Variants in OLA1 observed in about 807,000 individuals in gnomAD.
The protein encoded by OLA1 is obg-like ATPase 1.
Under a neutral mutation model 48.4 loss-of-function variants are expected in OLA1, and 14 were observed. The ratio of observed to expected loss-of-function variants is 0.29; its 90% CI spans 0.19 to 0.45. OLA1 has a LOEUF of 0.45. OLA1 is among the 20% of genes least tolerant of loss of function. OLA1 has a pLI of 1.00. For synonymous variants in OLA1, 127 were observed against 150.4 expected (o/e 0.84, Z 1.14); for missense variants, 325 against 467.1 (o/e 0.70, Z 2.80).
chr2:174,182,079 G>T (rs1687556988), intron 4 of OLA1, among the ~76,000 whole-genome samples: 1 of 152,138 alleles, frequency 6.6e-6, no homozygotes, highest in Admixed American at 6.5e-5. Context: ...AGGGAAGAAA[G>T]AGTTAAATAT....
intron 7 of OLA1, among the ~76,000 whole-genome samples, chr2:174,108,696 G>C (rs1459422310): frequency 6.6e-6 from 1 of 152,072 alleles, no homozygotes; most frequent in African/African-American, 2.4e-5. Flanking sequence ...AGCTTAATGT[G>C]TACCACATGC....
chr2:174,169,149 G>T (rs1304931281), intron 4 of OLA1, among the ~76,000 whole-genome samples: 2 of 152,038 alleles, frequency 1.3e-5, no homozygotes, highest in Admixed American at 6.6e-5. Flanking sequence ...GTTTCGCCAT[G>T]TTGGCCAGGC....
intron 7 of OLA1, among the ~76,000 whole-genome samples, chr2:174,098,733 A>G (rs566570108): frequency 6.6e-6 from 1 of 152,332 alleles, no homozygotes; most frequent in South Asian, 2.1e-4. Flanking sequence ...GATGAAGATT[A>G]AATAAGGACG....
chr2:174,197,336 A>G (rs1405237192), intron 4 of OLA1, among the ~76,000 whole-genome samples: 1 of 119,940 alleles, frequency 8.3e-6, no homozygotes, highest in Non-Finnish European at 1.7e-5. Context: ...GGCAGTGTCC[A>G]GAATGATTAG....
chr2:174,213,333 C>G (rs1168294256), intron 4 of OLA1, among the ~76,000 whole-genome samples: 1 of 152,148 alleles, frequency 6.6e-6, no homozygotes, highest in African/African-American at 2.4e-5. Flanking sequence ...CAAGTTTTAT[C>G]TGTGAATAGC....
chr2:174,247,963 G>A, intron 1 of OLA1: 1 of 696,248 alleles, frequency 1.4e-6, no homozygotes, highest in Non-Finnish European at 2.3e-6. Context: ...TCTTCTGGCT[G>A]AGAGTTGTAC....
intron 7 of OLA1, among the ~76,000 whole-genome samples, chr2:174,110,857 C>G (rs1404144559): frequency 1.3e-5 from 2 of 152,146 alleles, no homozygotes; most frequent in Non-Finnish European, 2.9e-5. Flanking sequence ...ACTAAGATTA[C>G]AGGAGTGAGC....
intron 7 of OLA1, among the ~76,000 whole-genome samples, chr2:174,100,817 G>C (rs1160998364): frequency 6.6e-6 from 1 of 152,084 alleles, no homozygotes; most frequent in Admixed American, 6.5e-5. Context: ...GTTCCCCTAT[G>C]CTCCCTTCCA....
At chr2:174,160,189 T>G (rs1203881885) in intron 4 of OLA1, among the ~76,000 whole-genome samples, 1 of 152,148 alleles carries the variant, frequency 6.6e-6, no homozygotes, top group Admixed American at 6.5e-5. Flanking sequence ...GAATTTTTTA[T>G]ACATATGCAC....
chr2:174,163,453 C>T (rs1488631671), intron 4 of OLA1, among the ~76,000 whole-genome samples: 1 of 151,636 alleles, frequency 6.6e-6, no homozygotes, highest in Non-Finnish European at 1.5e-5. Flanking sequence ...TTTGGGAGGC[C>T]AAGGCAGGCG....
chr2:174,206,924 G>A (rs1233157925), intron 4 of OLA1, among the ~76,000 whole-genome samples: 2 of 152,006 alleles, frequency 1.3e-5, no homozygotes, highest in African/African-American at 4.8e-5. Flanking sequence ...CAGGACCCAA[G>A]GAAAAAACTC....
chr2:174,178,046 C>T (rs1274058039), intron 4 of OLA1, among the ~76,000 whole-genome samples: 1 of 151,938 alleles, frequency 6.6e-6, no homozygotes, highest in African/African-American at 2.4e-5. Flanking sequence ...ATTTTTAAAA[C>T]ACTGAATTAA....
At chr2:174,115,672 G>A (rs894313991) in intron 7 of OLA1, among the ~76,000 whole-genome samples, 3 of 151,890 alleles carry the variant, frequency 2.0e-5, no homozygotes, top group Non-Finnish European at 2.9e-5. Context: ...CCTATAACTC[G>A]TATTCTGTTT....
intron 4 of OLA1, among the ~76,000 whole-genome samples, chr2:174,213,598 G>A (rs1401304723): frequency 6.6e-6 from 1 of 152,136 alleles, no homozygotes; most frequent in Non-Finnish European, 1.5e-5. Context: ...AACTGGCGAA[G>A]TCATATTGGC....
chr2:174,089,641 C>T (rs1013777599), intron 7 of OLA1, among the ~76,000 whole-genome samples: 1 of 152,100 alleles, frequency 6.6e-6, no homozygotes, highest in African/African-American at 2.4e-5. Context: ...GTGGCTCATG[C>T]CTGTAATCCC....
intron 2 of OLA1, among the ~76,000 whole-genome samples, chr2:174,233,270 T>C (rs1164174330): frequency 1.3e-5 from 2 of 152,178 alleles, no homozygotes; most frequent in African/African-American, 2.4e-5. Context: ...CAGTTTCAGT[T>C]ACGCAAGATG....
chr2:174,196,032 A>G (rs1444635168), intron 4 of OLA1, among the ~76,000 whole-genome samples: 2 of 152,274 alleles, frequency 1.3e-5, no homozygotes, highest in Non-Finnish European at 2.9e-5. Context: ...AAAAAACTCA[A>G]TTACTTAGAA....
At position 174,192,963 on chromosome 2, in the gene OLA1, C is replaced by T. The variant is rs66702896; in HGVS notation, c.373+30070G>A. ...AAGCAGCTTGAATACTACATGTCCACGTGTGTAAGCGTATGTGTGTGGTAT... is the reference window on the plus strand; with the variant it reads ...AAGCAGCTTGAATACTACATGTCCATGTGTGTAAGCGTATGTGTGTGGTAT... On this transcript the variant is annotated intron_variant, in intron 4 of 10. Transcript: ENST00000284719. Among the ~76,000 whole-genome samples the T allele has an allele frequency of 6.6e-4, 101 of 152,074 alleles. 2 individuals are homozygous for T. Among genetic ancestry groups the T allele is most frequent in the Admixed American group, 4.8e-3 (74 of 15,280 alleles).
At chr2:174,212,367 C>T (rs1216919335) in intron 4 of OLA1, among the ~76,000 whole-genome samples, 1 of 152,132 alleles carries the variant, frequency 6.6e-6, no homozygotes, top group Non-Finnish European at 1.5e-5. Flanking sequence ...AGGGCACTTG[C>T]CATGAATGAA....
Sources: gnomAD v4.1 joint callset for allele counts (sites outside exome capture counted in the v4.1 genomes callset) on GRCh38, gnomAD v4.1.1 for gene constraint, MANE v1.5 for transcripts, NCBI Gene and HGNC (gene_info 2026-07-23, HGNC 2026-07-21) for gene names.